IL12RB1: variants seen among roughly 807,000 people sequenced by gnomAD.
IL12RB1 encodes interleukin-12 receptor subunit beta-1.
A neutral mutation model predicts 94.4 loss-of-function variants in IL12RB1; 64 were observed. The observed-to-expected ratio is 0.68, with a 90% CI of 0.55 to 0.83. IL12RB1 has a LOEUF of 0.83. Ranked by LOEUF, IL12RB1 falls within the 40% of genes least tolerant of loss-of-function variation. The probability of loss-of-function intolerance (pLI) is 0.00; values close to 1 mark genes in which losing one functional copy is unlikely to be tolerated. For missense variants in IL12RB1, 814 were observed against 855.6 expected (o/e 0.95, Z 0.61); for synonymous variants, 362 against 355.5 (o/e 1.02, Z -0.21).
In IL12RB1 at chr19:18,086,932, A is replaced by T. The variant is rs76300891; in HGVS notation, c.-109T>A. 6.4e-7 allele frequency: 1 copy of T among 1,551,454 alleles called. No homozygotes were observed. ...CATTGAAGCTGAGCAAGGAGAAAAG[A>T]CTGAAAAAAAAGAAAAAAGAAAAAA... is the stretch of plus-strand genomic sequence containing the variant. On this transcript the variant is annotated 5_prime_UTR_variant, in exon 1 of 17. Coordinates refer to ENST00000593993, the MANE Select transcript of IL12RB1 (RefSeq NM_005535.3).
intron 7 of IL12RB1, 57 bp from the exon 8 acceptor site, chr19:18,073,656 G>T: frequency 9.8e-7 from 1 of 1,021,984 alleles, no homozygotes. Flanking sequence ...ACTGATGGAT[G>T]TTTTCTTTGT....
At chr19:18,082,129 G>A in intron 3 of IL12RB1, 21 bp downstream of exon 3, 1 of 1,450,988 alleles carries the variant, frequency 6.9e-7, no homozygotes, top group Non-Finnish European at 9.7e-7. Context: ...GAGGGTTTGG[G>A]AATGGTAGAG....
Position 18,069,813 on chromosome 19 carries a change from C to A in IL12RB1, c.1022-100G>T, listed in dbSNP as rs542011799. On this transcript the variant is annotated intron_variant, in intron 9 of 16. Transcript: ENST00000593993. ...CCTCTCTCCCACCCTCTCGTCTATA[C>A]CCCTGACCCTACAGGGCCAGGGGTG... 3.6e-5 allele frequency: 32 copies of A among 890,570 alleles called. 1 individual carries two copies. Among genetic ancestry groups the A allele is most frequent in the African/African-American group, 2.8e-4 (17 of 61,506 alleles). 55.2% of individuals were successfully genotyped at this position (890,570 alleles called of 1,614,324 possible).
At chr19:18,082,517 T>C (rs982148697) in intron 2 of IL12RB1, among the ~76,000 whole-genome samples, 5 of 152,054 alleles carry the variant, frequency 3.3e-5, no homozygotes, top group Non-Finnish European at 7.4e-5. Context: ...GTGTTTTTTT[T>C]TGGGGGGTCC....
chr19:18,061,241 T>G (rs1185259769), intron 14 of IL12RB1, 44 bp from the exon 15 acceptor site: 5 of 1,085,628 alleles, frequency 4.6e-6, no homozygotes, highest in Non-Finnish European at 6.7e-6. Flanking sequence ...AGGTTTTTTT[T>G]TTTTTTGGAG....
intron 14 of IL12RB1, 31 bp downstream of exon 14, chr19:18,062,150 C>G (rs745572283): frequency 1.5e-5 from 20 of 1,373,600 alleles, no homozygotes; most frequent in Admixed American, 3.4e-5. Context: ...TCATTACCAT[C>G]GCTATGGTAA....
At position 18,063,993 on chromosome 19, in the gene IL12RB1, T is replaced by C; in HGVS notation, c.1501A>G (p.Thr501Ala). The C allele has an allele frequency of 6.2e-7, 1 of 1,612,716 alleles. No individual in the cohort carries two copies. The highest frequency in any genetic ancestry group is 2.2e-5 in the East Asian group (1 of 44,876). ...KQVSEHPVQP[T>A]ETQVTLSGLR... ...CCACTGAGGGTAACTTGGGTCTCTG[T>C]GGGCTGCACGGGATGCTCTGCAGTG... The change falls in exon 13 of 17, where the codon ACA becomes GCA. Residue 501 changes from threonine (T) to alanine (A), a missense_variant. Physicochemically the swap from Thr to Ala is moderately conservative, Grantham distance 58. Coordinates refer to ENST00000593993, the MANE Select transcript of IL12RB1 (RefSeq NM_005535.3).
intron 7 of IL12RB1, 87 bp downstream of exon 7, chr19:18,075,662 G>C (rs575324388): frequency 4.0e-5 from 48 of 1,214,680 alleles, no homozygotes; most frequent in East Asian, 1.4e-4. Context: ...CTTCTGAGCA[G>C]CTGGAACTAC....
At chr19:18,059,868 C>A in intron 16 of IL12RB1, 26 bp downstream of exon 16, 6 of 1,403,486 alleles carry the variant, frequency 4.3e-6, no homozygotes, top group Non-Finnish European at 5.9e-6. Flanking sequence ...GCACCCCTGA[C>A]CGTCTGGCCC....
chr19:18,070,592 C>A, intron 9 of IL12RB1: 2 of 922,592 alleles, frequency 2.2e-6, no homozygotes, highest in Non-Finnish European at 2.6e-6. Flanking sequence ...TATTGAGTAC[C>A]AACTGCATGT....
chr19:18,073,008 A>G (rs17878896), intron 8 of IL12RB1, among the ~76,000 whole-genome samples: 18,980 of 151,542 alleles, frequency 0.13, 1,333 homozygotes, highest in East Asian at 0.28. Context: ...AACATAGGAA[A>G]TAAAGGATTT....
chr19:18,086,838 G>T lies in IL12RB1; in HGVS notation c.-15C>A, dbSNP rs1481916090. On this transcript the variant is annotated 5_prime_UTR_variant, in exon 1 of 17. Coordinates refer to ENST00000593993, the MANE Select transcript of IL12RB1 (RefSeq NM_005535.3). ...AGCGGCTCCATCGGATCCACGTAGA[G>T]CCCCACAGCCCCAGGGGAGCCTCTC... 2.5e-6 allele frequency: 4 copies of T among 1,604,964 alleles called. No individual in the cohort carries two copies. The South Asian group carries it at 3.3e-5, about 13-fold the overall frequency.
chr19:18,088,424 C>T (rs577317898), upstream of IL12RB1, among the ~76,000 whole-genome samples: 23 of 122,136 alleles, frequency 1.9e-4, no homozygotes, highest in African/African-American at 5.6e-4. Flanking sequence ...GTTAGCCAGT[C>T]GTGGTGGCAC....
chr19:18,080,787 G>C (rs1224320319), intron 4 of IL12RB1, 45 bp downstream of exon 4: 3 of 1,311,784 alleles, frequency 2.3e-6, no homozygotes, highest in African/African-American at 2.9e-5. Flanking sequence ...CAGCCTGATG[G>C]CCTCTCTGGG....
intron 12 of IL12RB1, among the ~76,000 whole-genome samples, chr19:18,066,153 G>C (rs945376681): frequency 6.6e-6 from 1 of 151,804 alleles, no homozygotes; most frequent in Non-Finnish European, 1.5e-5. Flanking sequence ...TGTCACCCAG[G>C]CTGGAGTGCA....
In IL12RB1 at chr19:18,075,855, G is replaced by T; in HGVS notation, c.594C>A (p.Cys198Ter). ...PQDDDTESCL[C>*]PLEMNVAQEF... ...CCTGGGCCACATTCATCTCCAGGGG[G>T]CAGAGGCAGGACTCTGGGGAGAGGC... The change falls in exon 7 of 17, where the codon TGC becomes TGA. Residue 198 changes from cysteine (C) to a stop codon, truncating the protein, a stop_gained. Coordinates refer to ENST00000593993, the MANE Select transcript of IL12RB1 (RefSeq NM_005535.3). LOFTEE classifies it high-confidence loss of function. 6.2e-7 allele frequency: 1 copy of T among 1,612,950 alleles called. No homozygotes were observed. Among genetic ancestry groups the T allele is most frequent in the South Asian group, 1.1e-5 (1 of 91,050 alleles).
At chr19:18,087,075 G>A (rs1341927499), upstream of IL12RB1, 1 of 698,144 alleles carries the variant, frequency 1.4e-6, no homozygotes, top group African/African-American at 1.8e-5. Context: ...TCTGACTTTG[G>A]AGCAAGTCAG....
chr19:18,069,383 C>T (rs1190650364), intron 10 of IL12RB1, among the ~76,000 whole-genome samples, 163 bp downstream of exon 10: 1 of 152,206 alleles, frequency 6.6e-6, no homozygotes, highest in Non-Finnish European at 1.5e-5. Context: ...TGAGAGGCTC[C>T]GAACCTCACC....
At chr19:18,074,625 TA>T (rs1599513064) in intron 7 of IL12RB1, among the ~76,000 whole-genome samples, 2 of 151,992 alleles carry the variant, frequency 1.3e-5, no homozygotes, top group Non-Finnish European at 1.5e-5. Flanking sequence ...TGCATGCCTG[TA>T]AATCCCAGCT....
Sources: gnomAD v4.1 joint callset for allele counts (sites outside exome capture counted in the v4.1 genomes callset) on GRCh38, gnomAD v4.1.1 for gene constraint, MANE v1.5 for transcripts, NCBI Gene and HGNC (gene_info 2026-07-23, HGNC 2026-07-21) for gene names.